The following STX6 variants were observed in gnomAD, a reference collection of about 807,000 sequenced individuals.
The protein encoded by STX6 is syntaxin-6.
STX6 carries 23 observed loss-of-function variants against 38.0 expected under a neutral mutation model. The observed-to-expected ratio is 0.60, with a 90% CI of 0.43 to 0.86. STX6 has a LOEUF of 0.86. STX6 is among the 40% of genes least tolerant of loss of function. The pLI is 0.00. For synonymous variants in STX6, 123 were observed against 107.5 expected (o/e 1.14, Z -0.89); for missense variants, 274 against 312.9 (o/e 0.88, Z 0.94).
At chr1:181,008,561 A>G in intron 1 of STX6, among the ~76,000 whole-genome samples, 1 of 152,148 alleles carries the variant, frequency 6.6e-6, no homozygotes, top group Non-Finnish European at 1.5e-5. Flanking sequence ...AGTGGTCATT[A>G]GGAAAGTATT....
In STX6 at chr1:180,981,268, G is replaced by A. The variant is rs1256673217; in HGVS notation, c.691+3409C>T. 2.0e-5 allele frequency among the ~76,000 whole-genome samples: 3 copies of A among 152,028 alleles called. No individual in the cohort carries two copies. The East Asian group carries it at 5.8e-4, about 29-fold the overall frequency. Reference sequence around the variant, plus strand: ...TCAATAGTCAGGGAAGTTATGCATGGGGGAAGGGGGCTATATGGGAACTCT... The same window carrying A: ...TCAATAGTCAGGGAAGTTATGCATGAGGGAAGGGGGCTATATGGGAACTCT... On this transcript the variant is annotated intron_variant, in intron 7 of 7. Transcript: ENST00000258301.
chr1:181,007,784 A>G (rs1329914034), intron 1 of STX6, among the ~76,000 whole-genome samples: 2 of 152,236 alleles, frequency 1.3e-5, no homozygotes, highest in African/African-American at 4.8e-5. Flanking sequence ...TCTATTTACT[A>G]TATTAGGAAT....
intron 1 of STX6, among the ~76,000 whole-genome samples, chr1:181,015,473 T>C (rs1656529339): frequency 6.6e-6 from 1 of 152,164 alleles, no homozygotes; most frequent in African/African-American, 2.4e-5. Flanking sequence ...CAACCTCTAC[T>C]TAAATCCAAT....
Position 180,988,340 on chromosome 1 carries a change from G to A in STX6, c.495C>T (p.Ile165=), listed in dbSNP as rs145507671. 3.1e-6 allele frequency: 5 copies of A among 1,612,894 alleles called. No individual in the cohort carries two copies. In the South Asian group the frequency reaches 3.3e-5, roughly 11 times the overall value. ...IEEQQAQQQL[I]VEQQDEQLEL... is the part of the protein sequence containing the mutation. Reference sequence around the variant, plus strand: ...CCAACTGCTCATCCTGCTGTTCCACGATCAACTGGTGCCAGAGAAATGGGA... The same window carrying A: ...CCAACTGCTCATCCTGCTGTTCCACAATCAACTGGTGCCAGAGAAATGGGA... The change falls in exon 6 of 8, where the codon ATC becomes ATT. Residue 165 remains isoleucine (I), a synonymous_variant. Transcript: ENST00000258301.
chr1:180,978,196 C>T (rs1254723917), intron 7 of STX6, among the ~76,000 whole-genome samples: 2 of 152,180 alleles, frequency 1.3e-5, no homozygotes, highest in African/African-American at 2.4e-5. Flanking sequence ...ATCACTCTGT[C>T]GTAACAAGTA....
intron 3 of STX6, among the ~76,000 whole-genome samples, chr1:181,002,230 G>A (rs1028322109): frequency 2.0e-5 from 3 of 151,284 alleles, no homozygotes; most frequent in African/African-American, 7.3e-5. Flanking sequence ...ATAGCTCTCA[G>A]CCTCAACCTG....
At chr1:180,987,213 C>G (rs1558088874) in intron 6 of STX6, among the ~76,000 whole-genome samples, 1 of 152,140 alleles carries the variant, frequency 6.6e-6, no homozygotes, top group Non-Finnish European at 1.5e-5. Context: ...GTCTACACAC[C>G]CCACACCACC....
rs1232225326 is a variant in STX6 at position 180,973,495 on chromosome 1, T to C, written c.*3075A>G. On this transcript the variant is annotated 3_prime_UTR_variant, in exon 8 of 8. Coordinates refer to ENST00000258301, the MANE Select transcript of STX6 (RefSeq NM_005819.6). ...AGATTTCTTTTCACAGCCCTTAATC[T>C]CACGAGGTGAGAAGGAGTGGAAGTT... 2.0e-5 allele frequency: 3 copies of C among 152,620 alleles called. No homozygotes were observed. The highest frequency in any genetic ancestry group is 2.0e-4 in the Admixed American group (3 of 15,284). 9.5% of individuals were successfully genotyped at this position (152,620 alleles called of 1,614,324 possible).
chr1:181,022,559 C>T lies in STX6; in HGVS notation c.35+80G>A, dbSNP rs1020588758. ...CAGCTCCAACTTGCCTCCCCTCCCCCCACTGCGAGAAGACCTAGGAGGTGC... is the reference window on the plus strand; with the variant it reads ...CAGCTCCAACTTGCCTCCCCTCCCCTCACTGCGAGAAGACCTAGGAGGTGC... On this transcript the variant is annotated intron_variant, in intron 1 of 7. Transcript: ENST00000258301. 7.6e-6 allele frequency: 11 copies of T among 1,456,108 alleles called. No homozygotes were observed. In the East Asian group the frequency reaches 2.5e-4, roughly 33 times the overall value. The allele number at this position is 1,456,108 out of a possible 1,614,324, so 90.2% of individuals were successfully genotyped here. A position where few individuals can be genotyped will look rare whatever the true frequency, so the allele number is the denominator to read the frequency against.
At chr1:181,019,889 G>A (rs1453654624) in intron 1 of STX6, among the ~76,000 whole-genome samples, 3 of 152,134 alleles carry the variant, frequency 2.0e-5, no homozygotes, top group African/African-American at 4.8e-5. Context: ...TAGGCCGGGC[G>A]CGGTGGCTCA....
intron 3 of STX6, among the ~76,000 whole-genome samples, chr1:180,995,983 A>C (rs1222261619): frequency 6.6e-6 from 1 of 152,106 alleles, no homozygotes. Flanking sequence ...ATTAAGCTAT[A>C]TGTTTAGGTT....
intron 7 of STX6, among the ~76,000 whole-genome samples, chr1:180,982,930 C>T (rs1331247737): frequency 6.6e-6 from 1 of 152,174 alleles, no homozygotes; most frequent in Non-Finnish European, 1.5e-5. Flanking sequence ...ATACTTGTCC[C>T]TAAAGAGAAA....
intron 1 of STX6, among the ~76,000 whole-genome samples, chr1:181,012,672 C>CTTTT (rs58296301): frequency 5.9e-5 from 7 of 118,918 alleles, no homozygotes; most frequent in East Asian, 2.4e-4. Flanking sequence ...TTCTTCCATT[C>CTTTT]TTTTTTTTTT....
chr1:180,980,071 G>C (rs1655360165), intron 7 of STX6, among the ~76,000 whole-genome samples: 2 of 152,222 alleles, frequency 1.3e-5, no homozygotes, highest in South Asian at 4.1e-4. Context: ...GCTGGGCGTG[G>C]TGGCGCAGGC....
chr1:180,982,055 T>C (rs187300376), intron 7 of STX6, among the ~76,000 whole-genome samples: 2 of 152,322 alleles, frequency 1.3e-5, no homozygotes, highest in East Asian at 3.9e-4. Context: ...GGTAGGAGAA[T>C]ACAATTAGTG....
intron 7 of STX6, among the ~76,000 whole-genome samples, chr1:180,977,986 C>T (rs1655300359): frequency 6.6e-6 from 1 of 152,174 alleles, no homozygotes; most frequent in South Asian, 2.1e-4. Flanking sequence ...ACAAAGACCC[C>T]AGGTCCATCA....
At chr1:181,022,466 G>A (rs1378469513) in intron 1 of STX6, among the ~76,000 whole-genome samples, 173 bp downstream of exon 1, 2 of 152,172 alleles carry the variant, frequency 1.3e-5, no homozygotes, top group Non-Finnish European at 2.9e-5. Context: ...AGGTAGGGAT[G>A]GAGGGAACGT....
chr1:180,986,728 A>T (rs560991343), intron 6 of STX6, among the ~76,000 whole-genome samples: 10 of 152,196 alleles, frequency 6.6e-5, no homozygotes, highest in African/African-American at 2.4e-4. Context: ...ATGCCCTTAA[A>T]AACAAACCCC....
chr1:180,988,015 G>A, intron 6 of STX6: 1 of 394,584 alleles, frequency 2.5e-6, no homozygotes, highest in East Asian at 5.3e-5. Context: ...GTTTTTGGAG[G>A]TGTTTAAAAA....
Sources: allele counts gnomAD v4.1 joint callset (sites outside exome capture counted in the v4.1 genomes callset), GRCh38; gene constraint gnomAD v4.1.1; transcripts MANE v1.5; gene names NCBI Gene and HGNC (gene_info 2026-07-23, HGNC 2026-07-21).